OCA2: variants seen among roughly 807,000 people sequenced by gnomAD.
OCA2 encodes P protein.
Under a neutral mutation model 100.2 loss-of-function variants are expected in OCA2, and 77 were observed. That is an observed-to-expected ratio of 0.77 (90% confidence interval 0.64 to 0.93). OCA2 has a LOEUF of 0.93. Ranked by LOEUF, OCA2 falls within the 40% of genes least tolerant of loss-of-function variation. OCA2 has a pLI of 0.00. For synonymous variants in OCA2, 432 were observed against 439.2 expected (o/e 0.98, Z 0.21); for missense variants, 1,062 against 1,089.1 (o/e 0.98, Z 0.35).
intron 9 of OCA2, among the ~76,000 whole-genome samples, chr15:27,997,148 G>GAGAGAA (rs2041770171): frequency 3.7e-5 from 5 of 135,016 alleles, no homozygotes; most frequent in African/African-American, 1.4e-4. Context: ...GGAAGAGAGA[G>GAGAGAA]AGAAAGAAAG....
intron 1 of OCA2, among the ~76,000 whole-genome samples, chr15:28,084,410 T>TG (rs1230777494): frequency 6.6e-6 from 1 of 152,212 alleles, no homozygotes; most frequent in Non-Finnish European, 1.5e-5. Flanking sequence ...TCTTTCCCAG[T>TG]GGAGCCTCTC....
At chr15:28,044,591 C>T (rs74007931) in intron 2 of OCA2, among the ~76,000 whole-genome samples, 1 of 152,140 alleles carries the variant, frequency 6.6e-6, no homozygotes. Flanking sequence ...GATTTTCTGT[C>T]TATTTGTTCT....
intron 21 of OCA2, among the ~76,000 whole-genome samples, chr15:27,865,731 C>T (rs545192917): frequency 6.6e-6 from 1 of 152,166 alleles, no homozygotes; most frequent in Non-Finnish European, 1.5e-5. Context: ...CTACATAAGC[C>T]AGGCCAGGGC....
In OCA2 at chr15:27,876,704, GGTT is replaced by G. The variant is rs1165202473; in HGVS notation, c.2080-4785_2080-4783del. Among the ~76,000 whole-genome samples, 27 of 151,906 alleles carry G rather than the reference GGTT, an allele frequency of 1.8e-4. No homozygotes were observed. The East Asian group carries it at 5.2e-3, about 29-fold the overall frequency. ...TTAAGGAACTATTCCATTTCATGTA[GGTT>G]GTTGACTGTGTTGGTATAAATTTGT... On this transcript the variant is annotated intron_variant, in intron 19 of 23. Coordinates refer to ENST00000354638, the MANE Select transcript of OCA2 (RefSeq NM_000275.3).
chr15:27,812,746 T>A (rs887073914), intron 23 of OCA2, among the ~76,000 whole-genome samples: 1 of 152,204 alleles, frequency 6.6e-6, no homozygotes, highest in Non-Finnish European at 1.5e-5. Context: ...AAACATGTGA[T>A]GTGAGGATTC....
At chr15:27,794,422 C>A (rs1431867739) in intron 23 of OCA2, among the ~76,000 whole-genome samples, 1 of 152,168 alleles carries the variant, frequency 6.6e-6, no homozygotes, top group Non-Finnish European at 1.5e-5. Context: ...CATGTGGCCT[C>A]CCCCACTCTG....
Position 27,875,112 on chromosome 15 carries a change from AAAC to A in OCA2, c.2080-3193_2080-3191del, listed in dbSNP as rs1358447452. 3.3e-5 allele frequency among the ~76,000 whole-genome samples: 5 copies of A among 152,164 alleles called. No individual in the cohort carries two copies. In the East Asian group the frequency reaches 7.7e-4, roughly 23 times the overall value. On this transcript the variant is annotated intron_variant, in intron 19 of 23. Coordinates refer to ENST00000354638, the MANE Select transcript of OCA2 (RefSeq NM_000275.3). ...AGAAAGTGGGAAAGAGAGTCACCAA[AAAC>A]AACAACGAAAAAGAGATCATCACTA...
intron 11 of OCA2, among the ~76,000 whole-genome samples, chr15:27,987,435 TGA>T: frequency 6.6e-6 from 1 of 152,040 alleles, no homozygotes; most frequent in East Asian, 1.9e-4. Context: ...AGTCTGAACT[TGA>T]GGCTGGGTGT....
At chr15:27,754,564 C>G (rs1181401954), downstream of OCA2, among the ~76,000 whole-genome samples, 1 of 152,176 alleles carries the variant, frequency 6.6e-6, no homozygotes, top group Non-Finnish European at 1.5e-5. Context: ...TCTCATTACC[C>G]TTACCTCACA....
chr15:27,729,439 G>A, the OCA2 span, among the ~76,000 whole-genome samples: 8 of 151,994 alleles, frequency 5.3e-5, no homozygotes, highest in East Asian at 3.9e-4. Context: ...CTCACTTCCC[G>A]GTTCCAAAAA....
intron 2 of OCA2, among the ~76,000 whole-genome samples, chr15:28,072,922 C>T (rs2044310333): frequency 6.6e-6 from 1 of 152,142 alleles, no homozygotes; most frequent in Non-Finnish European, 1.5e-5. Flanking sequence ...ACAGAGCTAC[C>T]ATTAAACCAA....
intron 19 of OCA2, among the ~76,000 whole-genome samples, chr15:27,920,370 A>G (rs1362454264): frequency 6.6e-6 from 1 of 152,212 alleles, no homozygotes; most frequent in East Asian, 1.9e-4. Context: ...AATTGTTTTT[A>G]GGGTCAAAGA....
chr15:27,956,099 CA>C (rs2140681836), intron 16 of OCA2, among the ~76,000 whole-genome samples: 1 of 152,212 alleles, frequency 6.6e-6, no homozygotes, highest in African/African-American at 2.4e-5. Flanking sequence ...TCTATAATCC[CA>C]GTACTTTGGG....
At chr15:27,926,036 T>C (rs2039029077) in intron 19 of OCA2, 91 bp downstream of exon 19, 9 of 1,428,932 alleles carry the variant, frequency 6.3e-6, no homozygotes. Context: ...AAGGAAAGAT[T>C]AATAGATGTA....
the OCA2 span, among the ~76,000 whole-genome samples, chr15:27,744,823 GC>G: frequency 5.3e-5 from 8 of 152,134 alleles, no homozygotes; most frequent in Non-Finnish European, 8.8e-5. Flanking sequence ...TTCCAAAGAA[GC>G]CTGGAAAACT....
chr15:28,036,602 GC>G (rs1350027932), intron 2 of OCA2, among the ~76,000 whole-genome samples: 1 of 152,050 alleles, frequency 6.6e-6, no homozygotes, highest in Non-Finnish European at 1.5e-5. Context: ...TGCCTCTTCT[GC>G]CCTCTTCTTC....
At chr15:28,015,981 G>T in intron 8 of OCA2, 123 bp downstream of exon 8, 2 of 765,676 alleles carry the variant, frequency 2.6e-6, no homozygotes, top group Admixed American at 3.8e-5. Context: ...CATGAGTGCC[G>T]TGTCCAAGTC....
At chr15:27,879,971 T>C (rs2036948213) in intron 19 of OCA2, among the ~76,000 whole-genome samples, 1 of 152,238 alleles carries the variant, frequency 6.6e-6, no homozygotes, top group African/African-American at 2.4e-5. Context: ...CTTCTAGGAT[T>C]TGTAAAATTT....
At chr15:27,756,587 T>G (rs931452796) in intron 23 of OCA2, among the ~76,000 whole-genome samples, 4 of 152,078 alleles carry the variant, frequency 2.6e-5, no homozygotes, top group African/African-American at 9.7e-5. Context: ...GTTTGCAAAA[T>G]GTCAGCCCTG....
Sources: allele counts gnomAD v4.1 joint callset (sites outside exome capture counted in the v4.1 genomes callset), GRCh38; gene constraint gnomAD v4.1.1; transcripts MANE v1.5; gene names NCBI Gene and HGNC (gene_info 2026-07-23, HGNC 2026-07-21).